SNX32: variants seen among roughly 807,000 people sequenced by gnomAD.
SNX32 encodes the protein sorting nexin-32.
Under a neutral mutation model 57.0 loss-of-function variants are expected in SNX32, and 58 were observed. That is an observed-to-expected ratio of 1.02 (90% CI 0.82 to 1.27). The LOEUF is 1.27. Among genes scored for constraint, SNX32 ranks in the 50% most tolerant of loss-of-function variants. SNX32 has a pLI of 0.00. For synonymous variants in SNX32, 262 were observed against 220.4 expected, an observed-to-expected ratio of 1.19 and a Z score of -1.67; for missense variants, 589 against 541.2, an observed-to-expected ratio of 1.09 and a Z score of -0.88.
Position 65,853,299 on chromosome 11 carries a change from C to A in SNX32, c.1176C>A (p.Leu392=). Residue 392 remains leucine (L), a synonymous_variant, in exon 13 of 13, where the codon CTC becomes CTA. Coordinates refer to ENST00000308342, the MANE Select transcript of SNX32 (RefSeq NM_152760.3). Reference sequence around the variant, plus strand: ...CTCTGCAGGCCAGCACCCTGATTCTCCGGAACACCCTTGTTGCCCTAAAGG... The same window carrying A: ...CTCTGCAGGCCAGCACCCTGATTCTACGGAACACCCTTGTTGCCCTAAAGG... ...LKHAKASTLI[L]RNTLVALKGE... The A allele has an allele frequency of 6.2e-7, 1 of 1,614,104 alleles. No individual in the cohort carries two copies. The highest frequency in any genetic ancestry group is 8.5e-7 in the Non-Finnish European group (1 of 1,179,998).
At chr11:65,839,474 C>T (rs979786208) in intron 1 of SNX32, among the ~76,000 whole-genome samples, 1 of 149,172 alleles carries the variant, frequency 6.7e-6, no homozygotes, top group South Asian at 2.1e-4. Context: ...CGTGATCCGC[C>T]CGCCTCGGCC....
Position 65,853,300 on chromosome 11 carries a change from CG to C in SNX32, c.1179del (p.Asn394ThrfsTer6), listed in dbSNP as rs774491036. On this transcript the variant is annotated frameshift_variant, in exon 13 of 13. Coordinates refer to ENST00000308342, the MANE Select transcript of SNX32 (RefSeq NM_152760.3). LOFTEE classifies it high-confidence loss of function. ...TCTGCAGGCCAGCACCCTGATTCTC[CG>C]GAACACCCTTGTTGCCCTAAAGGGG... ...KHAKASTLILRNTLVALKGEP is the reference protein window; with the variant it reads ...KHAKASTLILXNTLVALKGEP The C allele has an allele frequency of 6.2e-6, 10 of 1,614,086 alleles. No homozygotes were observed. The highest frequency in any genetic ancestry group is 8.5e-6 in the Non-Finnish European group (10 of 1,180,002).
Position 65,851,628 on chromosome 11 carries a change from A to G in SNX32, c.786-12A>G, listed in dbSNP as rs374739458. 45 of 1,613,818 alleles carry G rather than the reference A, an allele frequency of 2.8e-5. No individual in the cohort carries two copies. Among genetic ancestry groups the G allele is most frequent in the Non-Finnish European group, 3.5e-5 (41 of 1,179,906 alleles). On this transcript the variant is annotated splice_polypyrimidine_tract_variant and intron_variant, in intron 8 of 12. Coordinates refer to ENST00000308342, the MANE Select transcript of SNX32 (RefSeq NM_152760.3). Reference sequence around the variant, plus strand: ...AGCCCCCTACCCTAACTCCCTCCCTACTGCTTCCTAGGAGCTTCCTCAAAT... The same window carrying G: ...AGCCCCCTACCCTAACTCCCTCCCTGCTGCTTCCTAGGAGCTTCCTCAAAT...
chr11:65,835,895 A>G (rs1276147055), intron 1 of SNX32, among the ~76,000 whole-genome samples: 2 of 152,162 alleles, frequency 1.3e-5, no homozygotes, highest in East Asian at 3.8e-4. Context: ...GTCTGCTTCA[A>G]TGTTTATCTA....
At chr11:65,836,753 C>A (rs531267725) in intron 1 of SNX32, among the ~76,000 whole-genome samples, 2 of 152,024 alleles carry the variant, frequency 1.3e-5, no homozygotes, top group African/African-American at 4.8e-5. Flanking sequence ...TTTCCAGGGA[C>A]CTGGATGAAG....
chr11:65,853,184 G>A, intron 12 of SNX32, 98 bp from the exon 13 acceptor site: 1 of 1,531,356 alleles, frequency 6.5e-7, no homozygotes, highest in Non-Finnish European at 9.0e-7. Flanking sequence ...ATTGCAGAGA[G>A]CAGGGGTGTG....
chr11:65,841,089 C>T (rs1046102732), intron 1 of SNX32, among the ~76,000 whole-genome samples: 2 of 151,808 alleles, frequency 1.3e-5, no homozygotes, highest in East Asian at 1.9e-4. Flanking sequence ...GGATTACAAG[C>T]GCCCCCCACC....
chr11:65,835,309 G>A (rs1300874462), intron 1 of SNX32, among the ~76,000 whole-genome samples: 1 of 147,492 alleles, frequency 6.8e-6, no homozygotes, highest in African/African-American at 2.5e-5. Context: ...ACCAACTCAG[G>A]CTGTCTTGAT....
At chr11:65,851,533 G>A in intron 8 of SNX32, 107 bp from the exon 9 acceptor site, 1 of 1,526,832 alleles carries the variant, frequency 6.5e-7, no homozygotes, top group Non-Finnish European at 9.1e-7. Flanking sequence ...GGGGGATGGT[G>A]TTGGGAAGGA....
intron 1 of SNX32, among the ~76,000 whole-genome samples, chr11:65,844,827 G>A (rs1264430920): frequency 6.6e-6 from 1 of 151,930 alleles, no homozygotes. Context: ...TTAGCCAGGC[G>A]TGGTGGCGGG....
At chr11:65,836,291 G>A (rs779744880) in intron 1 of SNX32, among the ~76,000 whole-genome samples, 80 of 152,034 alleles carry the variant, frequency 5.3e-4, no homozygotes, top group Non-Finnish European at 9.7e-4. Context: ...GCCTGTAATC[G>A]CAGCACTCTG....
chr11:65,853,020 C>T, intron 12 of SNX32, 62 bp downstream of exon 12: 1 of 1,559,298 alleles, frequency 6.4e-7, no homozygotes, highest in Non-Finnish European at 8.8e-7. Context: ...CCCTCCCTCC[C>T]CCAGGCACCA....
In SNX32 at chr11:65,839,219, TTTTGTA is replaced by T. The variant is rs1278042230; in HGVS notation, c.36+5122_36+5127del. Among the ~76,000 whole-genome samples, 8 of 20,544 alleles carry T rather than the reference TTTTGTA, an allele frequency of 3.9e-4. 1 individual carries two copies. The highest frequency in any genetic ancestry group is 9.8e-4 in the Non-Finnish European group (7 of 7,126). The allele number at this position is 20,544 out of a possible 152,430, so 13.5% of individuals were successfully genotyped here. ...GTGCCCCACCACGCCCAGCTAATTTTTTTGTATTTTTTTTTTTTTTTTTTTTTTGAG... is the reference window on the plus strand; with the variant it reads ...GTGCCCCACCACGCCCAGCTAATTTTTTTTTTTTTTTTTTTTTTTTTTGAG... On this transcript the variant is annotated intron_variant, in intron 1 of 12. Coordinates refer to ENST00000308342, the MANE Select transcript of SNX32 (RefSeq NM_152760.3).
intron 1 of SNX32, among the ~76,000 whole-genome samples, chr11:65,840,160 AAAAT>A (rs1261755143): frequency 6.6e-6 from 1 of 152,312 alleles, no homozygotes; most frequent in African/African-American, 2.4e-5. Context: ...TGTCTCCAAA[AAAAT>A]AAATAAATAA....
intron 1 of SNX32, among the ~76,000 whole-genome samples, chr11:65,847,629 GC>G (rs1341752737): frequency 1.3e-5 from 2 of 152,076 alleles, no homozygotes; most frequent in Non-Finnish European, 2.9e-5. Flanking sequence ...ACAAAAGGGG[GC>G]TGGGTGCAGT....
chr11:65,853,153 G>A (rs750855950), intron 12 of SNX32, 129 bp from the exon 13 acceptor site: 7 of 1,412,028 alleles, frequency 5.0e-6, no homozygotes, highest in Admixed American at 1.7e-5. Context: ...GGGTAGGAAG[G>A]CCCAATTAAC....
Position 65,851,625 on chromosome 11 carries a change from C to T in SNX32, c.786-15C>T. 3.1e-6 allele frequency: 5 copies of T among 1,614,006 alleles called. No homozygotes were observed. Among genetic ancestry groups the T allele is most frequent in the Non-Finnish European group, 3.4e-6 (4 of 1,179,926 alleles). ...CTCAGCCCCCTACCCTAACTCCCTC[C>T]CTACTGCTTCCTAGGAGCTTCCTCA... On this transcript the variant is annotated splice_polypyrimidine_tract_variant and intron_variant, in intron 8 of 12. Coordinates refer to ENST00000308342, the MANE Select transcript of SNX32 (RefSeq NM_152760.3).
chr11:65,848,271 T>C (rs1405637029), intron 1 of SNX32, among the ~76,000 whole-genome samples: 1 of 152,116 alleles, frequency 6.6e-6, no homozygotes, highest in Non-Finnish European at 1.5e-5. Flanking sequence ...CTAATATCAC[T>C]TGGCACTATG....
chr11:65,839,228 T>TTTTTTTTTTTTTTTC lies in SNX32; in HGVS notation c.36+5141_36+5142insCTTTTTTTTTTTTTT, dbSNP rs1858762294. Among the ~76,000 whole-genome samples, 2 of 15,204 alleles carry TTTTTTTTTTTTTTTC rather than the reference T, an allele frequency of 1.3e-4. 1 individual carries two copies. Among genetic ancestry groups the TTTTTTTTTTTTTTTC allele is most frequent in the East Asian group, 5.5e-3 (2 of 366 alleles). 10.0% of individuals were successfully genotyped at this position (15,204 alleles called of 152,430 possible). On this transcript the variant is annotated intron_variant, in intron 1 of 12. Transcript: ENST00000308342. ...CACGCCCAGCTAATTTTTTTGTATT[T>TTTTTTTTTTTTTTTC]TTTTTTTTTTTTTTTTTTTGAGACG...
Sources: allele counts gnomAD v4.1 joint callset (sites outside exome capture counted in the v4.1 genomes callset), GRCh38; gene constraint gnomAD v4.1.1; transcripts MANE v1.5; gene names NCBI Gene and HGNC (gene_info 2026-07-23, HGNC 2026-07-21).